The following NLGN1 variants were observed in gnomAD, a reference collection of about 807,000 sequenced individuals.
NLGN1 encodes neuroligin 1.
A neutral mutation model predicts 65.5 loss-of-function variants in NLGN1; 12 were observed. That is an observed-to-expected ratio of 0.18 (90% CI 0.12 to 0.30). The LOEUF (loss-of-function observed/expected upper bound fraction) is 0.30. Ranked by LOEUF, NLGN1 falls within the 10% of genes least tolerant of loss-of-function variation. The pLI, the probability that NLGN1 is intolerant of heterozygous loss-of-function variation, is 1.00. For missense variants in NLGN1, 750 were observed against 1,007.1 expected (o/e 0.74, Z 3.46); for synonymous variants, 350 against 359.5 (o/e 0.97, Z 0.30).
intron 2 of NLGN1, among the ~76,000 whole-genome samples, chr3:173,483,916 C>A (rs1576911060): frequency 6.6e-6 from 1 of 152,226 alleles, no homozygotes; most frequent in African/African-American, 2.4e-5. Context: ...TAAACTTTGC[C>A]TGAAATGTAA....
At chr3:173,988,713 C>A (rs1393196510) in intron 4 of NLGN1, among the ~76,000 whole-genome samples, 3 of 152,068 alleles carry the variant, frequency 2.0e-5, no homozygotes, top group Non-Finnish European at 4.4e-5. Flanking sequence ...CCCAAAATTC[C>A]ATACACAAAT....
At chr3:173,731,433 G>A (rs926145613) in intron 3 of NLGN1, among the ~76,000 whole-genome samples, 16 of 151,980 alleles carry the variant, frequency 1.1e-4, no homozygotes, top group African/African-American at 3.9e-4. Flanking sequence ...TTAGGACTTT[G>A]GATCCAGGTC....
At chr3:173,988,440 A>C (rs899380048) in intron 4 of NLGN1, among the ~76,000 whole-genome samples, 2 of 152,140 alleles carry the variant, frequency 1.3e-5, no homozygotes, top group African/African-American at 4.8e-5. Context: ...ATCCTTTGTT[A>C]ATAATCTGAT....
chr3:174,008,117 A>G (rs1033868898), intron 4 of NLGN1, among the ~76,000 whole-genome samples: 2 of 151,978 alleles, frequency 1.3e-5, no homozygotes, highest in East Asian at 1.9e-4. Context: ...CTCCAAATCT[A>G]TATTCTTGCA....
chr3:174,067,904 TC>T (rs1179237849), intron 4 of NLGN1, among the ~76,000 whole-genome samples: 1 of 152,206 alleles, frequency 6.6e-6, no homozygotes, highest in Admixed American at 6.6e-5. Flanking sequence ...ACAGAAGTTT[TC>T]TAGTATCTGT....
At chr3:174,264,273 A>C (rs1426793201) in intron 4 of NLGN1, among the ~76,000 whole-genome samples, 1 of 151,202 alleles carries the variant, frequency 6.6e-6, no homozygotes. Flanking sequence ...TATCCTGCAG[A>C]GTGTTTTCCA....
chr3:173,855,665 A>C (rs1226986248), intron 4 of NLGN1, among the ~76,000 whole-genome samples: 1 of 152,160 alleles, frequency 6.6e-6, no homozygotes, highest in African/African-American at 2.4e-5. Flanking sequence ...GCCAATACTA[A>C]CAGTTCCACC....
chr3:173,671,900 C>T (rs1046772722), intron 3 of NLGN1, among the ~76,000 whole-genome samples: 2 of 152,150 alleles, frequency 1.3e-5, no homozygotes, highest in East Asian at 1.9e-4. Flanking sequence ...GTTGGCCGGG[C>T]GTGGTGGCTC....
chr3:173,739,773 G>T (rs7617364), intron 3 of NLGN1, among the ~76,000 whole-genome samples: 3 of 152,052 alleles, frequency 2.0e-5, no homozygotes, highest in Non-Finnish European at 4.4e-5. Context: ...TAGAGTTTCA[G>T]TTAACCATCC....
chr3:173,526,242 G>GGTACTCCTACGTT lies in NLGN1; in HGVS notation c.-320-78035_-320-78023dup, dbSNP rs1376178233. ...TAGTAGTATTTGGTTTGTAAACCTC[G>GGTACTCCTACGTT]GTACTCCTACGTTGGGAATATATAT... On this transcript the variant is annotated intron_variant, in intron 2 of 6. Coordinates refer to ENST00000457714, the Ensembl canonical transcript of NLGN1. Among the ~76,000 whole-genome samples the GGTACTCCTACGTT allele has an allele frequency of 3.9e-5, 6 of 151,972 alleles. No homozygotes were observed. In the East Asian group the frequency reaches 1.2e-3, roughly 29 times the overall value.
chr3:173,989,785 G>A (rs1254998922), intron 4 of NLGN1, among the ~76,000 whole-genome samples: 3 of 152,132 alleles, frequency 2.0e-5, no homozygotes, highest in Non-Finnish European at 2.9e-5. Flanking sequence ...TTTTGGCTTC[G>A]GTGTTGATGA....
chr3:173,783,677 C>T (rs923910724), intron 3 of NLGN1, among the ~76,000 whole-genome samples: 7 of 152,158 alleles, frequency 4.6e-5, no homozygotes, highest in South Asian at 2.1e-4. Context: ...TGCAGTGGCA[C>T]GATTTTGGCT....
chr3:173,432,416 C>G (rs1181112529), intron 1 of NLGN1, among the ~76,000 whole-genome samples: 1 of 152,186 alleles, frequency 6.6e-6, no homozygotes, highest in African/African-American at 2.4e-5. Flanking sequence ...GGATTTTGCC[C>G]TTTCTAATAG....
intron 4 of NLGN1, among the ~76,000 whole-genome samples, chr3:173,873,567 TA>T (rs1330033616): frequency 6.6e-6 from 1 of 152,238 alleles, no homozygotes; most frequent in African/African-American, 2.4e-5. Flanking sequence ...AGAAATTATT[TA>T]AAAATTTTAT....
chr3:173,827,076 G>C (rs1191890162), intron 4 of NLGN1, among the ~76,000 whole-genome samples: 1 of 152,050 alleles, frequency 6.6e-6, no homozygotes, highest in Non-Finnish European at 1.5e-5. Context: ...GACCACTAAT[G>C]CAACTACCTG....
intron 4 of NLGN1, among the ~76,000 whole-genome samples, chr3:174,048,407 T>C (rs75631668): frequency 9.1e-4 from 138 of 152,122 alleles, no homozygotes; most frequent in African/African-American, 3.1e-3. Context: ...GGTGAAATCA[T>C]TGGTGTCAAT....
intron 5 of NLGN1, among the ~76,000 whole-genome samples, chr3:174,276,755 A>G (rs749675962): frequency 6.6e-6 from 1 of 151,974 alleles, no homozygotes; most frequent in Non-Finnish European, 1.5e-5. Flanking sequence ...AGGTGACAAA[A>G]TAACACAGAT....
chr3:174,056,564 G>T (rs2152511228), intron 4 of NLGN1, among the ~76,000 whole-genome samples: 1 of 152,076 alleles, frequency 6.6e-6, no homozygotes, highest in Middle Eastern at 3.4e-3. Flanking sequence ...GTGCAAACGA[G>T]AATCCAAAGT....
chr3:173,872,449 A>G (rs1368724779), intron 4 of NLGN1, among the ~76,000 whole-genome samples: 2 of 152,226 alleles, frequency 1.3e-5, no homozygotes, highest in East Asian at 1.9e-4. Context: ...ATGCAAAAAC[A>G]TGACCACTGG....
Sources: gnomAD v4.1 joint callset for allele counts (sites outside exome capture counted in the v4.1 genomes callset) on GRCh38, gnomAD v4.1.1 for gene constraint, MANE v1.5 for transcripts, NCBI Gene and HGNC (gene_info 2026-07-23, HGNC 2026-07-21) for gene names.